C13orf42: variants seen among roughly 807,000 people sequenced by gnomAD.
C13orf42 encodes the protein chromosome 13 open reading frame 42, also known as uncharacterized protein C13orf42.
intron 1 of C13orf42, among the ~76,000 whole-genome samples, chr13:51,088,448 G>A (rs768803102): frequency 1.1e-4 from 17 of 152,324 alleles, no homozygotes; most frequent in Non-Finnish European, 1.9e-4. Context: ...GCTCACCACA[G>A]GAAAGAGATG....
At chr13:51,155,878 A>G (rs1354859471) in intron 1 of C13orf42, among the ~76,000 whole-genome samples, 2 of 152,094 alleles carry the variant, frequency 1.3e-5, no homozygotes, top group Admixed American at 6.5e-5. Context: ...CAGGGAGGGG[A>G]AAATTACCAG....
intron 1 of C13orf42, among the ~76,000 whole-genome samples, chr13:51,088,760 C>T (rs990131718): frequency 1.3e-5 from 2 of 151,998 alleles, no homozygotes; most frequent in East Asian, 1.9e-4. Flanking sequence ...ACACTCAAAT[C>T]GTGGAATAAA....
chr13:51,097,656 C>A (rs9563019), intron 1 of C13orf42, among the ~76,000 whole-genome samples: 1 of 151,876 alleles, frequency 6.6e-6, no homozygotes, highest in Non-Finnish European at 1.5e-5. Context: ...AATGAGATTT[C>A]AGTCATCAAT....
chr13:51,129,504 G>T (rs1264347709), intron 1 of C13orf42, among the ~76,000 whole-genome samples: 1 of 152,074 alleles, frequency 6.6e-6, no homozygotes, highest in Non-Finnish European at 1.5e-5. Flanking sequence ...GACTGACAAG[G>T]GATCACCTGA....
chr13:51,118,456 G>A (rs1347975994), intron 1 of C13orf42, among the ~76,000 whole-genome samples: 1 of 152,134 alleles, frequency 6.6e-6, no homozygotes. Context: ...TTGCTTTGTG[G>A]GGCTCCAAGT....
chr13:51,153,477 TGAGA>T lies in C13orf42; in HGVS notation n.136+18772_136+18775del, dbSNP rs59145661. On this transcript the variant is annotated intron_variant and non_coding_transcript_variant, in intron 1 of 4. Coordinates refer to the C13orf42 transcript ENST00000433280. ...GAGAGAGAGACAGAGATAGAGACTGTGAGAGAGAAAGCTTTTCTCCTACTTTAAA... is the reference window on the plus strand; with the variant it reads ...GAGAGAGAGACAGAGATAGAGACTGTGAGAAAGCTTTTCTCCTACTTTAAA... 2.7e-3 allele frequency among the ~76,000 whole-genome samples: 409 copies of T among 152,068 alleles called. 1 individual carries two copies. Among genetic ancestry groups the T allele is most frequent in the African/African-American group, 8.9e-3 (368 of 41,472 alleles).
chr13:51,119,394 C>T (rs956606288), intron 1 of C13orf42, among the ~76,000 whole-genome samples: 12 of 152,074 alleles, frequency 7.9e-5, no homozygotes, highest in South Asian at 2.1e-4. Context: ...AAAGAGTCCT[C>T]GTTTGTCTGA....
chr13:51,114,659 C>G (rs112650287), upstream of C13orf42, among the ~76,000 whole-genome samples: 1,768 of 114,124 alleles, frequency 0.015, 15 homozygotes, highest in African/African-American at 0.035. Flanking sequence ...GATAGACAGA[C>G]AGACAGACAG....
Position 51,095,432 on chromosome 13 carries a change from C to T in C13orf42, c.415-7357G>A, listed in dbSNP as rs1953222923. On this transcript the variant is annotated intron_variant, in intron 1 of 3. Transcript: ENST00000563710. ...TCCCTCAAATATTTCTCATACCCCCCTCTCTATTTCTTCTTCTCTGGGATT... is the reference window on the plus strand; with the variant it reads ...TCCCTCAAATATTTCTCATACCCCCTTCTCTATTTCTTCTTCTCTGGGATT... 2.6e-5 allele frequency among the ~76,000 whole-genome samples: 4 copies of T among 152,118 alleles called. No homozygotes were observed. The South Asian group carries it at 8.3e-4, about 32-fold the overall frequency.
At chr13:51,158,705 C>T (rs771014020) in intron 1 of C13orf42, among the ~76,000 whole-genome samples, 8 of 152,324 alleles carry the variant, frequency 5.3e-5, no homozygotes, top group African/African-American at 1.2e-4. Context: ...TGGATCTGAA[C>T]GACTCGCAGT....
intron 1 of C13orf42, among the ~76,000 whole-genome samples, chr13:51,153,621 G>GTTTTTTTTTTTTTTTTTTTTTTTTT (rs1202370498): frequency 2.0e-4 from 16 of 82,014 alleles, no homozygotes; most frequent in South Asian, 4.1e-4. Context: ...CTTGCTTTCT[G>GTTTTTTTTTTTTTTTTTTTTTTTTT]TTTTTTTTCT....
At chr13:51,171,124 G>T (rs1294493532) in intron 1 of C13orf42, among the ~76,000 whole-genome samples, 6 of 151,922 alleles carry the variant, frequency 3.9e-5, no homozygotes, top group Non-Finnish European at 8.8e-5. Flanking sequence ...TTCACTATGG[G>T]TAAGCTTCCA....
chr13:51,103,278 T>C (rs560358385), intron 1 of C13orf42, among the ~76,000 whole-genome samples: 18 of 152,238 alleles, frequency 1.2e-4, no homozygotes, highest in South Asian at 2.1e-4. Flanking sequence ...TCTCTGGCCC[T>C]AAAAGTGTGG....
intron 1 of C13orf42, chr13:51,161,993 T>C (rs1210944063): frequency 9.3e-6 from 4 of 429,536 alleles, no homozygotes; most frequent in Non-Finnish European, 1.8e-5. Context: ...ATAGATCTTG[T>C]CCATGCCAAA....
chr13:51,110,991 C>T lies in C13orf42; in HGVS notation c.219G>A (p.Glu73=), dbSNP rs1310393312. ...TGCGCGAATACATCCACGCCCGGTC[C>T]TCCTCCTGCCGCAGGTAGTACAGGC... is the stretch of plus-strand genomic sequence containing the variant. ...DTSLYYLRQE[E]DRAWMYSRTQ... is the part of the protein sequence containing the mutation. The change falls in exon 1 of 4, where the codon GAG becomes GAA. Residue 73 remains glutamate, a synonymous_variant. Transcript: ENST00000563710. 7 of 398,670 alleles carry T rather than the reference C, an allele frequency of 1.8e-5. No individual in the cohort carries two copies. In the East Asian group the frequency reaches 1.8e-4, roughly 10 times the overall value. 24.7% of individuals were successfully genotyped at this position (398,670 alleles called of 1,614,324 possible).
At chr13:51,127,731 G>A (rs534852359) in intron 1 of C13orf42, among the ~76,000 whole-genome samples, 92 of 151,940 alleles carry the variant, frequency 6.1e-4, no homozygotes, top group Non-Finnish European at 1.2e-3. Context: ...AAAACTATAC[G>A]TATTGAAAAC....
intron 1 of C13orf42, among the ~76,000 whole-genome samples, chr13:51,099,335 C>T (rs1397624413): frequency 6.6e-6 from 1 of 152,092 alleles, no homozygotes; most frequent in African/African-American, 2.4e-5. Flanking sequence ...AATTTAAATA[C>T]ATAGGCACAC....
chr13:51,111,877 G>A (rs1355602767), upstream of C13orf42, among the ~76,000 whole-genome samples: 5 of 44,080 alleles, frequency 1.1e-4, no homozygotes, highest in African/African-American at 2.4e-4. Context: ...GAAGAGCCTC[G>A]CCCTGCGGTA....
Position 51,129,398 on chromosome 13 carries a change from C to T in C13orf42, n.137-16176G>A, listed in dbSNP as rs569260796. 1.1e-4 allele frequency among the ~76,000 whole-genome samples: 16 copies of T among 152,210 alleles called. No individual in the cohort carries two copies. In the East Asian group the frequency reaches 3.1e-3, roughly 30 times the overall value. Reference sequence around the variant, plus strand: ...GTACAGGATCATGGGACTTAGGGGGCTTTTTCCTCCCTGAAAAAGGAAACT... The same window carrying T: ...GTACAGGATCATGGGACTTAGGGGGTTTTTTCCTCCCTGAAAAAGGAAACT... On this transcript the variant is annotated intron_variant and non_coding_transcript_variant, in intron 1 of 4. Coordinates refer to the C13orf42 transcript ENST00000433280.
Sources: allele counts gnomAD v4.1 joint callset (sites outside exome capture counted in the v4.1 genomes callset), GRCh38; gene constraint gnomAD v4.1.1; transcripts MANE v1.5; gene names NCBI Gene and HGNC (gene_info 2026-07-23, HGNC 2026-07-21).